Variants in PDE1C observed in about 807,000 individuals in gnomAD.
PDE1C encodes phosphodiesterase 1C.
Under a neutral mutation model 93.1 loss-of-function variants are expected in PDE1C, and 62 were observed. The ratio of observed to expected loss-of-function variants is 0.67; its 90% confidence interval spans 0.54 to 0.82. The LOEUF (loss-of-function observed/expected upper bound fraction) is 0.82, where lower values mean the gene tolerates loss of function less well. Ranked by LOEUF, PDE1C falls within the 40% of genes least tolerant of loss-of-function variation. The pLI, the probability that PDE1C is intolerant of heterozygous loss-of-function variation, is 0.00. For missense variants in PDE1C, 742 were observed against 884.6 expected (o/e 0.84, Z 2.04); for synonymous variants, 325 against 310.1 (o/e 1.05, Z -0.50).
chr7:32,212,180 T>A (rs1806097359), intron 1 of PDE1C, among the ~76,000 whole-genome samples: 1 of 151,966 alleles, frequency 6.6e-6, no homozygotes, highest in African/African-American at 2.4e-5. Flanking sequence ...ACCACCTAAA[T>A]GCTCAGCTTG....
At chr7:31,724,040 T>C in the PDE1C span, among the ~76,000 whole-genome samples, 2 of 152,220 alleles carry the variant, frequency 1.3e-5, no homozygotes, top group South Asian at 4.1e-4. Flanking sequence ...GATCTATTTA[T>C]TTTTTATGTC....
intron 2 of PDE1C, among the ~76,000 whole-genome samples, chr7:31,917,892 T>C (rs1447608360): frequency 2.6e-5 from 4 of 152,202 alleles, no homozygotes; most frequent in Non-Finnish European, 5.9e-5. Context: ...TTGAATAGTT[T>C]AGATTCAAAT....
At chr7:32,056,320 T>TCTCTCTC (rs1554488808) in intron 1 of PDE1C, among the ~76,000 whole-genome samples, 1 of 111,030 alleles carries the variant, frequency 9.0e-6, no homozygotes, top group Non-Finnish European at 1.8e-5. Context: ...GGGTCCACCG[T>TCTCTCTC]TCTCTCTCTC....
chr7:31,824,758 G>C (rs1170543707), intron 13 of PDE1C, 109 bp downstream of exon 13: 1 of 1,414,802 alleles, frequency 7.1e-7, no homozygotes, highest in Non-Finnish European at 9.7e-7. Context: ...CTGAGAAGGA[G>C]CTAAGGCAAA....
intron 5 of PDE1C, among the ~76,000 whole-genome samples, chr7:31,873,643 T>C (rs960862891): frequency 1.3e-5 from 2 of 152,250 alleles, no homozygotes; most frequent in African/African-American, 4.8e-5. Context: ...ATTGAGTACC[T>C]ACTGTATGAC....
At chr7:32,216,499 C>T (rs1806444500) in intron 1 of PDE1C, among the ~76,000 whole-genome samples, 1 of 152,156 alleles carries the variant, frequency 6.6e-6, no homozygotes, top group Admixed American at 6.5e-5. Context: ...TAATGACAAG[C>T]CTCCTAGCAA....
intron 1 of PDE1C, among the ~76,000 whole-genome samples, chr7:32,322,278 G>A (rs567970463): frequency 3.3e-5 from 5 of 152,212 alleles, no homozygotes; most frequent in East Asian, 3.9e-4. Context: ...CCTGGCCCAC[G>A]TTCAAAAAGC....
At chr7:31,892,176 C>T (rs1798726124) in intron 2 of PDE1C, among the ~76,000 whole-genome samples, 1 of 152,182 alleles carries the variant, frequency 6.6e-6, no homozygotes, top group South Asian at 2.1e-4. Context: ...CCTCCAGATC[C>T]TTCGGCTTGG....
At chr7:31,789,982 T>TA (rs1784393951) in intron 16 of PDE1C, 6 of 1,252,548 alleles carry the variant, frequency 4.8e-6, no homozygotes, top group Non-Finnish European at 6.0e-6. Context: ...TCTGTTTGAG[T>TA]AAAAATCTCA....
At chr7:31,809,963 A>G (rs1787349498) in intron 15 of PDE1C, among the ~76,000 whole-genome samples, 2 of 152,092 alleles carry the variant, frequency 1.3e-5, no homozygotes, top group Admixed American at 1.3e-4. Context: ...CGATTATGGC[A>G]AATACATTTT....
At chr7:32,215,512 G>T (rs1806364358) in intron 1 of PDE1C, among the ~76,000 whole-genome samples, 2 of 152,100 alleles carry the variant, frequency 1.3e-5, no homozygotes. Flanking sequence ...CCAAAAATTG[G>T]CCAGAAACAA....
At chr7:32,207,275 T>C (rs963167499) in intron 2 of PDE1C, among the ~76,000 whole-genome samples, 3 of 151,388 alleles carry the variant, frequency 2.0e-5, no homozygotes, top group African/African-American at 7.3e-5. Context: ...CCTGATTCCG[T>C]ACTGGGCAAC....
rs115269165 is a variant in PDE1C, at chr7:32,011,700, C to T, written c.128+39854G>A. Among the ~76,000 whole-genome samples the T allele has an allele frequency of 2.6e-3, 393 of 152,186 alleles. 1 individual carries two copies. The highest frequency in any genetic ancestry group is 9.0e-3 in the African/African-American group (374 of 41,520). On this transcript the variant is annotated intron_variant, in intron 2 of 17. Transcript: ENST00000396191. ...GCCAAGTGTTGACAAGGATATGGAG[C>T]GACTAGAACTCTCATATCCTGCTGA...
chr7:31,713,912 T>C, the PDE1C span, among the ~76,000 whole-genome samples: 1,060 of 152,248 alleles, frequency 7.0e-3, 10 homozygotes, highest in African/African-American at 0.024. Context: ...AAACCATTTT[T>C]CCTTCCTACG....
At chr7:31,929,575 C>G (rs191191639) in intron 2 of PDE1C, among the ~76,000 whole-genome samples, 34 of 151,762 alleles carry the variant, frequency 2.2e-4, no homozygotes, top group African/African-American at 7.0e-4. Flanking sequence ...GAATGGAAAA[C>G]ATAACAGTCT....
intron 1 of PDE1C, among the ~76,000 whole-genome samples, chr7:32,293,493 G>T (rs1345858077): frequency 2.0e-5 from 3 of 152,174 alleles, no homozygotes; most frequent in Non-Finnish European, 2.9e-5. Flanking sequence ...AACAGCATTT[G>T]GAGGGCATTT....
the PDE1C span, among the ~76,000 whole-genome samples, chr7:31,677,817 C>T: frequency 6.6e-6 from 1 of 151,936 alleles, no homozygotes; most frequent in Non-Finnish European, 1.5e-5. Flanking sequence ...CTTAGAGATA[C>T]ATGAAGTGAA....
intron 16 of PDE1C, among the ~76,000 whole-genome samples, chr7:31,776,699 A>G (rs1783000061): frequency 6.6e-6 from 1 of 152,064 alleles, no homozygotes; most frequent in African/African-American, 2.4e-5. Context: ...TTATTCATTC[A>G]TTCATTTATT....
At chr7:31,885,572 G>A (rs1290646937) in intron 2 of PDE1C, among the ~76,000 whole-genome samples, 1 of 152,190 alleles carries the variant, frequency 6.6e-6, no homozygotes, top group Non-Finnish European at 1.5e-5. Flanking sequence ...CCTGGATGCT[G>A]ACTTCCCCTG....
Sources: allele counts gnomAD v4.1 joint callset (sites outside exome capture counted in the v4.1 genomes callset), GRCh38; gene constraint gnomAD v4.1.1; transcripts MANE v1.5; gene names NCBI Gene and HGNC (gene_info 2026-07-23, HGNC 2026-07-21).